PPCDC: variants seen among roughly 807,000 people sequenced by gnomAD.
PPCDC encodes phosphopantothenoylcysteine decarboxylase.
PPCDC carries 20 observed loss-of-function variants against 20.7 expected under a neutral mutation model. The ratio of observed to expected loss-of-function variants is 0.97; its 90% CI spans 0.68 to 1.41. The LOEUF (loss-of-function observed/expected upper bound fraction) is 1.41, where lower values mean the gene tolerates loss of function less well. Among genes scored for constraint, PPCDC ranks in the 40% most tolerant of loss-of-function variants. PPCDC has a pLI of 0.00. For missense variants in PPCDC, 246 were observed against 263.8 expected, an observed-to-expected ratio of 0.93 and a Z score of 0.47; for synonymous variants, 88 against 100.3, an observed-to-expected ratio of 0.88 and a Z score of 0.73.
chr15:75,039,463 T>C (rs1365077802), intron 2 of PPCDC, among the ~76,000 whole-genome samples: 2 of 152,104 alleles, frequency 1.3e-5, no homozygotes, highest in African/African-American at 4.8e-5. Context: ...TTTGGCTGCC[T>C]TGGGTGGGAA....
chr15:75,029,915 G>A (rs530772197), intron 2 of PPCDC, among the ~76,000 whole-genome samples: 13 of 152,342 alleles, frequency 8.5e-5, no homozygotes, highest in East Asian at 1.9e-4. Flanking sequence ...GCCTCAGAGC[G>A]GAGGGAAATG....
At chr15:75,043,357 C>G in intron 2 of PPCDC, 84 bp from the exon 3 acceptor site, 1 of 1,222,188 alleles carries the variant, frequency 8.2e-7, no homozygotes, top group Non-Finnish European at 1.2e-6. Flanking sequence ...CCTGCCTGCC[C>G]TGACCCTCCT....
chr15:75,023,606 C>T lies in PPCDC; in HGVS notation c.-93C>T, dbSNP rs1445310520. 6.6e-6 allele frequency: 1 copy of T among 152,304 alleles called. No homozygotes were observed. Among genetic ancestry groups the T allele is most frequent in the African/African-American group, 2.4e-5 (1 of 41,472 alleles). 9.4% of individuals were successfully genotyped at this position (152,304 alleles called of 1,614,324 possible). A position where few individuals can be genotyped will look rare whatever the true frequency, so the allele number is the denominator to read the frequency against. On this transcript the variant is annotated 5_prime_UTR_variant, in exon 1 of 6. Transcript: ENST00000342932. ...AGATACCGCGATATTTGGGAGCGGC[C>T]CCGAGACGCGCCTGGCGCGGGTGAG...
At chr15:75,036,636 T>G (rs913173456) in intron 2 of PPCDC, among the ~76,000 whole-genome samples, 1 of 151,984 alleles carries the variant, frequency 6.6e-6, no homozygotes, top group Admixed American at 6.6e-5. Context: ...AGGGAAGATC[T>G]CAAGCAGGGT....
At position 75,044,414 on chromosome 15, in the gene PPCDC, T is replaced by A; in HGVS notation, c.260T>A (p.Leu87Gln). ...EIWKSRSDPV[L>Q]HIDLRRWADL... ...TGGAAGAGCCGCTCTGACCCAGTTC[T>A]GCACATTGACCTGCGGAGGTGGGCA... The change falls in exon 4 of 6, where the codon CTG (leucine) becomes CAG (glutamine). Residue 87 changes from leucine to glutamine, a missense_variant. Leu to Gln is a moderately radical substitution (Grantham distance 113). Transcript: ENST00000342932. The A allele has an allele frequency of 6.2e-7, 1 of 1,614,136 alleles. No individual in the cohort carries two copies. Among genetic ancestry groups the A allele is most frequent in the Non-Finnish European group, 8.5e-7 (1 of 1,179,978 alleles).
At chr15:75,030,702 C>T (rs908465210) in intron 2 of PPCDC, among the ~76,000 whole-genome samples, 4 of 152,180 alleles carry the variant, frequency 2.6e-5, no homozygotes, top group African/African-American at 9.7e-5. Context: ...CAGCTCTTCA[C>T]CTGCTGAGTC....
At chr15:75,027,685 C>T (rs1431204357) in intron 1 of PPCDC, among the ~76,000 whole-genome samples, 1 of 152,208 alleles carries the variant, frequency 6.6e-6, no homozygotes, top group Non-Finnish European at 1.5e-5. Context: ...AACAGGGTCC[C>T]TTTGACACTG....
rs932537382 is a variant in PPCDC at position 75,050,538 on chromosome 15, G to C, written c.*1303G>C. The C allele has an allele frequency of 2.6e-5, 4 of 152,336 alleles. No homozygotes were observed. The highest frequency in any genetic ancestry group is 5.9e-5 in the Non-Finnish European group (4 of 68,124). 9.4% of individuals were successfully genotyped at this position (152,336 alleles called of 1,614,324 possible). The stretch of plus-strand genomic sequence containing the variant: ...CCTCTGGCTTCCAGGCCAGGTGTGA[G>C]GGACATCCCATGTGGGCTCTGAGAG... On this transcript the variant is annotated 3_prime_UTR_variant, in exon 6 of 6. Coordinates refer to ENST00000342932, the MANE Select transcript of PPCDC (RefSeq NM_021823.5).
chr15:75,028,499 GCCGGTGCT>G (rs750841361), intron 2 of PPCDC, 46 bp downstream of exon 2: 21 of 1,611,632 alleles, frequency 1.3e-5, no homozygotes, highest in Non-Finnish European at 1.8e-5. Flanking sequence ...GGCATGGGAG[GCCGGTGCT>G]CCCGGGGATG....
chr15:75,028,397 A>C lies in PPCDC; in HGVS notation c.79A>C (p.Ser27Arg). The C allele has an allele frequency of 6.2e-7, 1 of 1,614,136 alleles. No individual in the cohort carries two copies. The highest frequency in any genetic ancestry group is 1.3e-5 in the African/African-American group (1 of 75,022). Residue 27 changes from serine to arginine, a missense_variant, in exon 2 of 6, where the codon AGT becomes CGT. Physicochemically the swap from Ser to Arg is moderately radical, Grantham distance 110. This residue lies in a region of PPCDC where 225 missense variants were observed against 222.6 expected (regional missense o/e 1.01). Transcript: ENST00000342932. ...KFHVLVGVTG[S>R]VAALKLPLLV... ...CCATGTTCTTGTGGGTGTCACGGGG[A>C]GTGTCGCAGCCCTGAAGTTGCCTCT...
At chr15:75,047,035 G>A (rs145170403) in intron 4 of PPCDC, among the ~76,000 whole-genome samples, 3 of 152,384 alleles carry the variant, frequency 2.0e-5, no homozygotes, top group Non-Finnish European at 4.4e-5. Context: ...AGATGTCACC[G>A]TGGGAACCGA....
chr15:75,039,616 A>G (rs1042720510), intron 2 of PPCDC, among the ~76,000 whole-genome samples: 1 of 152,124 alleles, frequency 6.6e-6, no homozygotes, highest in African/African-American at 2.4e-5. Flanking sequence ...TGTCTCAGTT[A>G]CTGTGTAGGC....
chr15:75,034,520 A>G (rs917415374), intron 2 of PPCDC, among the ~76,000 whole-genome samples: 5 of 152,000 alleles, frequency 3.3e-5, no homozygotes, highest in African/African-American at 9.7e-5. Context: ...TAAGGAGGCC[A>G]CCTCCTTCAC....
At chr15:75,039,119 A>G (rs1339683555) in intron 2 of PPCDC, among the ~76,000 whole-genome samples, 1 of 152,048 alleles carries the variant, frequency 6.6e-6, no homozygotes, top group Non-Finnish European at 1.5e-5. Context: ...CAGATATCTG[A>G]TACTCCTTGG....
intron 4 of PPCDC, among the ~76,000 whole-genome samples, chr15:75,047,781 T>C (rs2066257332): frequency 6.6e-6 from 1 of 152,220 alleles, no homozygotes. Context: ...CAGCTAGTAA[T>C]ACACACACAG....
At chr15:75,031,203 G>A (rs1490776312) in intron 2 of PPCDC, among the ~76,000 whole-genome samples, 1 of 152,178 alleles carries the variant, frequency 6.6e-6, no homozygotes, top group Non-Finnish European at 1.5e-5. Flanking sequence ...AAAAGGACTA[G>A]GACCCAAAGG....
intron 1 of PPCDC, among the ~76,000 whole-genome samples, chr15:75,024,354 CT>C (rs879858358): frequency 6.9e-4 from 102 of 147,378 alleles, no homozygotes; most frequent in African/African-American, 1.1e-3. Flanking sequence ...TTGCTGTATA[CT>C]TTTTTTTTTT....
intron 4 of PPCDC, 93 bp from the exon 5 acceptor site, chr15:75,048,460 T>C: frequency 6.6e-7 from 1 of 1,512,818 alleles, no homozygotes; most frequent in Non-Finnish European, 8.9e-7. Context: ...ATCTCAAGCC[T>C]ACAGCTGGGC....
At chr15:75,038,004 T>C (rs912375864) in intron 2 of PPCDC, among the ~76,000 whole-genome samples, 2 of 152,096 alleles carry the variant, frequency 1.3e-5, no homozygotes, top group Non-Finnish European at 2.9e-5. Context: ...GCTCCACAAA[T>C]TGCTACAGAT....
Sources: allele counts gnomAD v4.1 joint callset (sites outside exome capture counted in the v4.1 genomes callset), GRCh38; gene constraint gnomAD v4.1.1; regional missense constraint gnomAD v4.1.1; transcripts MANE v1.5; gene names NCBI Gene and HGNC (gene_info 2026-07-23, HGNC 2026-07-21).